PARD3B: variants seen among roughly 807,000 people sequenced by gnomAD.
The protein encoded by PARD3B is partitioning defective 3 homolog B.
A neutral mutation model predicts 130.2 loss-of-function variants in PARD3B; 103 were observed. The ratio of observed to expected loss-of-function variants is 0.79; its 90% CI spans 0.67 to 0.93. The LOEUF is 0.93. Among genes scored for constraint, PARD3B ranks in the 40% least tolerant of loss-of-function variants. The probability of loss-of-function intolerance (pLI) is 0.00; values close to 1 mark genes in which losing one functional copy is unlikely to be tolerated. For synonymous variants in PARD3B, 583 were observed against 553.2 expected (o/e 1.05, Z -0.76); for missense variants, 1,609 against 1,499.2 (o/e 1.07, Z -1.21).
At position 205,410,919 on chromosome 2, in the gene PARD3B, A is replaced by G. The variant is rs544107115; in HGVS notation, c.2741+9796A>G. 2.7e-3 allele frequency among the ~76,000 whole-genome samples: 410 copies of G among 152,206 alleles called. 1 individual carries two copies. The highest frequency in any genetic ancestry group is 4.6e-3 in the Non-Finnish European group (312 of 68,002). On this transcript the variant is annotated intron_variant, in intron 19 of 22. Transcript: ENST00000406610. ...TCACCACCCGGCCTCCACCCGCCCC[A>G]TACCCTTCACATAGAAATACTAACC...
intron 18 of PARD3B, among the ~76,000 whole-genome samples, chr2:205,350,396 T>G (rs1239352587): frequency 6.6e-6 from 1 of 152,188 alleles, no homozygotes; most frequent in Non-Finnish European, 1.5e-5. Flanking sequence ...GGCAACTTTC[T>G]CCTCTGCTTT....
chr2:204,815,997 T>G (rs1443058576), intron 2 of PARD3B, among the ~76,000 whole-genome samples: 1 of 151,992 alleles, frequency 6.6e-6, no homozygotes, highest in Non-Finnish European at 1.5e-5. Flanking sequence ...TGTGCTATCT[T>G]GAGTAGATTA....
At chr2:205,511,632 C>T (rs1364213291) in intron 21 of PARD3B, among the ~76,000 whole-genome samples, 2 of 152,188 alleles carry the variant, frequency 1.3e-5, no homozygotes, top group Admixed American at 1.3e-4. Flanking sequence ...GTTCTCAAAG[C>T]TGTTTAAAAT....
chr2:204,578,155 T>C (rs937404470), intron 1 of PARD3B, among the ~76,000 whole-genome samples: 9 of 152,350 alleles, frequency 5.9e-5, no homozygotes, highest in Non-Finnish European at 1.0e-4. Flanking sequence ...TTTTGCATGA[T>C]GCCTTTTTCT....
At chr2:205,359,584 A>G (rs889301614) in intron 18 of PARD3B, among the ~76,000 whole-genome samples, 2 of 152,154 alleles carry the variant, frequency 1.3e-5, no homozygotes, top group Non-Finnish European at 2.9e-5. Context: ...TACCCTCTGC[A>G]TGTAGTGACT....
Position 204,669,272 on chromosome 2 carries a change from T to C in PARD3B, c.121-16909T>C, listed in dbSNP as rs1460826049. Among the ~76,000 whole-genome samples, 1 of 152,184 alleles carries C rather than the reference T, an allele frequency of 6.6e-6. No homozygotes were observed. The highest frequency in any genetic ancestry group is 1.5e-5 in the Non-Finnish European group (1 of 68,026). On this transcript the variant is annotated intron_variant, in intron 1 of 22. Transcript: ENST00000406610. The surrounding 1 kb of genome is among the most constrained non-coding windows in gnomAD (Gnocchi z 4.3). ...CATTTATAATTTTTCCTAGAAGAGT[T>C]AGCCTATTTTTACTTTATAGGATCA... is the stretch of plus-strand genomic sequence containing the variant.
intron 4 of PARD3B, among the ~76,000 whole-genome samples, chr2:205,069,980 T>A (rs1054993817): frequency 2.0e-5 from 3 of 152,168 alleles, no homozygotes; most frequent in Admixed American, 2.0e-4. Flanking sequence ...CTATGTCCTG[T>A]GATACCCCAC....
chr2:205,005,970 TC>T (rs1428549626), intron 3 of PARD3B, among the ~76,000 whole-genome samples: 1 of 152,056 alleles, frequency 6.6e-6, no homozygotes, highest in Admixed American at 6.5e-5. Context: ...CCTCCTAACT[TC>T]CCCGCACTGA....
intron 2 of PARD3B, among the ~76,000 whole-genome samples, chr2:204,883,799 G>A (rs1209832224): frequency 6.8e-6 from 1 of 147,386 alleles, no homozygotes; most frequent in Non-Finnish European, 1.5e-5. Flanking sequence ...GAGTGCAGTG[G>A]TGCAAGCTCG....
At chr2:205,110,480 G>A (rs76476013) in intron 5 of PARD3B, among the ~76,000 whole-genome samples, 62 of 152,166 alleles carry the variant, frequency 4.1e-4, no homozygotes, top group African/African-American at 1.4e-3. Flanking sequence ...AATACTAGTT[G>A]AACTAATGCT....
intron 1 of PARD3B, among the ~76,000 whole-genome samples, chr2:204,559,708 A>C (rs2031179946): frequency 2.0e-5 from 3 of 152,248 alleles, no homozygotes; most frequent in African/African-American, 7.2e-5. Context: ...AAAGGATTAT[A>C]AATCATGCTG....
chr2:205,100,962 C>A (rs1430529968), intron 4 of PARD3B, among the ~76,000 whole-genome samples: 3 of 152,094 alleles, frequency 2.0e-5, no homozygotes, highest in African/African-American at 7.2e-5. Flanking sequence ...ACCAAAAACA[C>A]AAGCTACAAA....
rs934832963 is a variant in PARD3B, at chr2:205,447,440, C to T, written c.3044+6768C>T. Among the ~76,000 whole-genome samples, 6 of 152,324 alleles carry T rather than the reference C, an allele frequency of 3.9e-5. No homozygotes were observed. The East Asian group carries it at 5.8e-4, about 15-fold the overall frequency. On this transcript the variant is annotated intron_variant, in intron 20 of 22. Coordinates refer to ENST00000406610, the MANE Select transcript of PARD3B (RefSeq NM_001302769.2). ...TTGCCCAGGCTGGAGTGCAATGGCA[C>T]GATCTTGGCTCACTGCAACCTCCAC...
intron 1 of PARD3B, among the ~76,000 whole-genome samples, chr2:204,620,919 T>C (rs2034278287): frequency 6.6e-6 from 1 of 152,176 alleles, no homozygotes; most frequent in Admixed American, 6.6e-5. Context: ...GAGACTTTGA[T>C]CTACACTTAT....
At position 204,697,300 on chromosome 2, in the gene PARD3B, A is replaced by G. The variant is rs575821506; in HGVS notation, c.222+11018A>G. Among the ~76,000 whole-genome samples, 4 of 152,236 alleles carry G rather than the reference A, an allele frequency of 2.6e-5. No individual in the cohort carries two copies. The South Asian group carries it at 8.3e-4, about 32-fold the overall frequency. Reference sequence around the variant, plus strand: ...ATGGAAGTACCTAGTGTTAAGACTGAGGAACCTGGGACTACAATTGAGAAG... The same window carrying G: ...ATGGAAGTACCTAGTGTTAAGACTGGGGAACCTGGGACTACAATTGAGAAG... On this transcript the variant is annotated intron_variant, in intron 2 of 22. Transcript: ENST00000406610.
chr2:205,226,789 A>G (rs1329099056), intron 15 of PARD3B, among the ~76,000 whole-genome samples: 1 of 152,128 alleles, frequency 6.6e-6, no homozygotes, highest in Non-Finnish European at 1.5e-5. Flanking sequence ...AAGTCAGGTA[A>G]TGTGATTCCT....
chr2:204,887,487 G>A lies in PARD3B; in HGVS notation c.223-77665G>A, dbSNP rs1012638097. Among the ~76,000 whole-genome samples the A allele has an allele frequency of 1.3e-5, 2 of 152,128 alleles. No individual in the cohort carries two copies. Among genetic ancestry groups the A allele is most frequent in the Non-Finnish European group, 2.9e-5 (2 of 68,024 alleles). On this transcript the variant is annotated intron_variant, in intron 2 of 22. Transcript: ENST00000406610. The surrounding 1 kb of genome is among the most constrained non-coding windows in gnomAD (Gnocchi z 4.2). ...TCTGCATGTTGGCTAGTTGTAGCAAGTTTTAAAAGCAAAACACTCAAATTA... is the reference window on the plus strand; with the variant it reads ...TCTGCATGTTGGCTAGTTGTAGCAAATTTTAAAAGCAAAACACTCAAATTA...
At chr2:204,646,520 T>G (rs1411889771) in intron 1 of PARD3B, among the ~76,000 whole-genome samples, 1 of 152,088 alleles carries the variant, frequency 6.6e-6, no homozygotes, top group Admixed American at 6.6e-5. Flanking sequence ...ACGTGAATTA[T>G]CCACTCTCTT....
At chr2:204,736,375 A>G (rs1040436894) in intron 2 of PARD3B, among the ~76,000 whole-genome samples, 15 of 152,184 alleles carry the variant, frequency 9.9e-5, no homozygotes, top group African/African-American at 3.6e-4. Flanking sequence ...TGTACCCATC[A>G]AACTGTGTGT....
Sources: gnomAD v4.1 joint callset for allele counts (sites outside exome capture counted in the v4.1 genomes callset) on GRCh38, gnomAD v4.1.1 for gene constraint, Gnocchi (gnomAD v3.1) non-coding constraint, MANE v1.5 for transcripts, NCBI Gene and HGNC (gene_info 2026-07-23, HGNC 2026-07-21) for gene names.